Variants in CASP9 observed in about 807,000 individuals in gnomAD.
CASP9 encodes caspase-9.
A neutral mutation model predicts 43.5 loss-of-function variants in CASP9; 29 were observed. The ratio of observed to expected loss-of-function variants is 0.67; its 90% CI spans 0.50 to 0.91. The LOEUF (loss-of-function observed/expected upper bound fraction) is 0.91. CASP9 is among the 40% of genes least tolerant of loss of function. The pLI, the probability that CASP9 is intolerant of heterozygous loss-of-function variation, is 0.00. For synonymous variants in CASP9, 206 were observed against 211.9 expected (o/e 0.97, Z 0.24); for missense variants, 575 against 537.4 (o/e 1.07, Z -0.69).
Position 15,492,864 on chromosome 1 carries a change from G to T in CASP9, c.*79C>A. The T allele has an allele frequency of 1.3e-6, 2 of 1,577,948 alleles. No individual in the cohort carries two copies. Among genetic ancestry groups the T allele is most frequent in the Non-Finnish European group, 1.7e-6 (2 of 1,167,514 alleles). On this transcript the variant is annotated 3_prime_UTR_variant, in exon 9 of 9. Transcript: ENST00000333868. Reference sequence around the variant, plus strand: ...TGCAAAGTCCTTGAGTTGCAGGAAAGTCCAGGCCTCAGCCTCTTTCAGGCC... The same window carrying T: ...TGCAAAGTCCTTGAGTTGCAGGAAATTCCAGGCCTCAGCCTCTTTCAGGCC...
At chr1:15,517,972 A>G in intron 2 of CASP9, 138 bp downstream of exon 2, 1 of 1,000,352 alleles carries the variant, frequency 1.0e-6, no homozygotes, top group Admixed American at 2.3e-5. Flanking sequence ...ACCTCCCAGA[A>G]TTTTGCCATC....
At position 15,504,775 on chromosome 1, in the gene CASP9, C is replaced by G. The variant is rs1263609345; in HGVS notation, c.721-17G>C. ...GTGGCTGGCCTAGAAGACCAAGAACCCTGGTTACAAAACCAAGAAGTTGGA... is the reference window on the plus strand; with the variant it reads ...GTGGCTGGCCTAGAAGACCAAGAACGCTGGTTACAAAACCAAGAAGTTGGA... On this transcript the variant is annotated splice_polypyrimidine_tract_variant and intron_variant, in intron 5 of 8. Coordinates refer to ENST00000333868, the MANE Select transcript of CASP9 (RefSeq NM_001229.5). The G allele has an allele frequency of 5.0e-6, 8 of 1,601,464 alleles. No homozygotes were observed. Among genetic ancestry groups the G allele is most frequent in the Non-Finnish European group, 6.8e-6 (8 of 1,175,084 alleles).
chr1:15,508,723 T>C (rs1327794798), intron 2 of CASP9, among the ~76,000 whole-genome samples: 2 of 151,976 alleles, frequency 1.3e-5, no homozygotes, highest in Non-Finnish European at 2.9e-5. Context: ...CCTCAAATCA[T>C]TTCTTTTCTA....
upstream of CASP9, chr1:15,524,774 C>G (rs530093386): frequency 9.9e-7 from 1 of 1,006,516 alleles, no homozygotes; most frequent in Non-Finnish European, 1.2e-6. Flanking sequence ...TCACCGCCCA[C>G]TCCCCGGGAC....
At chr1:15,497,032 G>A (rs567799400) in intron 6 of CASP9, among the ~76,000 whole-genome samples, 38 of 151,966 alleles carry the variant, frequency 2.5e-4, no homozygotes, top group Non-Finnish European at 4.0e-4. Flanking sequence ...AAAAAGAGCC[G>A]GGCACAGTGG....
intron 6 of CASP9, among the ~76,000 whole-genome samples, chr1:15,499,295 T>C (rs1709233916): frequency 1.3e-5 from 2 of 152,244 alleles, no homozygotes; most frequent in Admixed American, 1.3e-4. Context: ...TTGTATACCT[T>C]AAATTTTTAA....
chr1:15,500,942 G>A (rs2103338279), intron 6 of CASP9, among the ~76,000 whole-genome samples: 1 of 152,286 alleles, frequency 6.6e-6, no homozygotes. Context: ...CCGTTCACGT[G>A]TCAGCCTCAG....
At chr1:15,502,511 T>A (rs1434856052) in intron 6 of CASP9, among the ~76,000 whole-genome samples, 1 of 151,780 alleles carries the variant, frequency 6.6e-6, no homozygotes, top group East Asian at 1.9e-4. Context: ...GGGGAGCAGG[T>A]AGAAGAGCAA....
At chr1:15,502,503 G>A (rs963052982) in intron 6 of CASP9, among the ~76,000 whole-genome samples, 13 of 152,126 alleles carry the variant, frequency 8.5e-5, no homozygotes, top group Admixed American at 2.6e-4. Context: ...GTTAGCCAGG[G>A]GAGCAGGTAG....
chr1:15,503,786 T>C (rs961494721), intron 6 of CASP9, among the ~76,000 whole-genome samples: 6 of 152,176 alleles, frequency 3.9e-5, no homozygotes, highest in Non-Finnish European at 8.8e-5. Context: ...AAGGAACTGA[T>C]ATACCTTCTG....
rs771197055 is a variant in CASP9 at position 15,506,958 on chromosome 1, G to C, written c.571C>G (p.Arg191Gly). ...AAATGCAGCGAGGAGAAGCGACGCC[G>C]CAACTTCTCACAGTCGATGTTGGAG... Reference protein sequence around the residue: ...TGSNIDCEKLRRRFSSLHFMV... With the variant: ...TGSNIDCEKLGRRFSSLHFMV... The change falls in exon 4 of 9, where the codon CGG becomes GGG. Residue 191 changes from arginine to glycine, a missense_variant. Transcript: ENST00000333868. The C allele has an allele frequency of 8.7e-6, 14 of 1,613,982 alleles. No individual in the cohort carries two copies. The East Asian group carries it at 2.5e-4, about 28-fold the overall frequency.
intron 1 of CASP9, among the ~76,000 whole-genome samples, chr1:15,522,967 C>T (rs1422846709): frequency 6.6e-6 from 1 of 152,162 alleles, no homozygotes; most frequent in Non-Finnish European, 1.5e-5. Context: ...TCATATGATA[C>T]TCAATTATTT....
At chr1:15,505,724 C>T (rs868494788) in intron 5 of CASP9, among the ~76,000 whole-genome samples, 1 of 152,210 alleles carries the variant, frequency 6.6e-6, no homozygotes, top group African/African-American at 2.4e-5. Context: ...ACTCTGGGTG[C>T]AGGAGCTTCG....
rs1015611788 is a variant in CASP9 at position 15,518,300 on chromosome 1, G to A, written c.228C>T (p.Cys76=). ...GSQALPLFIS[C]LEDTGQDMLA... ...GCATGTCCTGGCCTGTGTCCTCTAA[G>A]CAGGAGATGAACAAAGGAAGAGCCT... Residue 76 remains cysteine, a synonymous_variant, in exon 2 of 9, where the codon TGC becomes TGT. Coordinates refer to ENST00000333868, the MANE Select transcript of CASP9 (RefSeq NM_001229.5). The A allele has an allele frequency of 1.2e-6, 2 of 1,614,236 alleles. No homozygotes were observed. The highest frequency in any genetic ancestry group is 2.7e-5 in the African/African-American group (2 of 75,066).
Position 15,509,796 on chromosome 1 carries a change from G to A in CASP9, c.419-1889C>T, listed in dbSNP as rs184094780. Reference sequence around the variant, plus strand: ...CTGTCTGCGAGTCCACAGGGGCCCAGCACACAGCAGGTCCTCAGGAAATAC... The same window carrying A: ...CTGTCTGCGAGTCCACAGGGGCCCAACACACAGCAGGTCCTCAGGAAATAC... On this transcript the variant is annotated intron_variant, in intron 2 of 8. Coordinates refer to ENST00000333868, the MANE Select transcript of CASP9 (RefSeq NM_001229.5). Among the ~76,000 whole-genome samples, 316 of 152,338 alleles carry A rather than the reference G, an allele frequency of 2.1e-3. 6 individuals carry two copies. The highest frequency in any genetic ancestry group is 7.1e-4 in the Non-Finnish European group (48 of 68,036).
chr1:15,522,762 T>C (rs1299261801), intron 1 of CASP9, among the ~76,000 whole-genome samples: 3 of 152,166 alleles, frequency 2.0e-5, no homozygotes, highest in Admixed American at 6.5e-5. Context: ...GATATGGCCA[T>C]ACTCAGCTGG....
rs775161845 is a variant in CASP9, at chr1:15,495,396, C to CA, written c.924dup (p.Gly309TrpfsTer3). The CA allele has an allele frequency of 5.2e-5, 83 of 1,608,320 alleles. No homozygotes were observed. Among genetic ancestry groups the CA allele is most frequent in the Non-Finnish European group, 6.9e-5 (81 of 1,177,520 alleles). ...GTGGCATCTGGCTCGGGGTTACTGC[C>CA]AGGGGACTCGTCTTCAGGGGAAGTG... On this transcript the variant is annotated frameshift_variant, in exon 7 of 9. Coordinates refer to ENST00000333868, the MANE Select transcript of CASP9 (RefSeq NM_001229.5). LOFTEE classifies it high-confidence loss of function.
chr1:15,521,096 G>A (rs994836985), intron 1 of CASP9, among the ~76,000 whole-genome samples: 1 of 150,216 alleles, frequency 6.7e-6, no homozygotes, highest in Admixed American at 6.7e-5. Context: ...GGCGGAGCTT[G>A]CAGTGAGCCG....
At chr1:15,523,172 G>T (rs569234096) in intron 1 of CASP9, among the ~76,000 whole-genome samples, 157 of 152,290 alleles carry the variant, frequency 1.0e-3, no homozygotes, top group Middle Eastern at 3.4e-3. Flanking sequence ...TCTGCATCAG[G>T]TCCCCTCATT....
Sources: gnomAD v4.1 joint callset for allele counts (sites outside exome capture counted in the v4.1 genomes callset) on GRCh38, gnomAD v4.1.1 for gene constraint, MANE v1.5 for transcripts, NCBI Gene and HGNC (gene_info 2026-07-23, HGNC 2026-07-21) for gene names.